The following H2BW1 variants were observed in gnomAD, a reference collection of about 807,000 sequenced individuals.
The protein encoded by H2BW1 is H2B.W histone 1.
H2BW1 carries 9 observed loss-of-function variants against 8.0 expected under a neutral mutation model. That is an observed-to-expected ratio of 1.13 (90% CI 0.68 to 1.97). H2BW1 has a LOEUF of 1.97. Ranked by LOEUF, H2BW1 falls within the 30% of genes most tolerant of loss-of-function variation. The pLI, the probability that H2BW1 is intolerant of heterozygous loss-of-function variation, is 0.00. For missense variants in H2BW1, 137 were observed against 132.0 expected (o/e 1.04, Z -0.19); for synonymous variants, 58 against 54.7 (o/e 1.06, Z -0.26).
At chrX:104,013,121 C>A (rs782508748) in intron 1 of H2BW1, 49 bp downstream of exon 1, 14 of 1,160,696 alleles carry the variant, frequency 1.2e-5, no homozygotes, top group Admixed American at 2.6e-5. Flanking sequence ...CCTTTGGGTT[C>A]CCGTGGTGCT....
chrX:104,011,396 G>GT lies in H2BW1; in HGVS notation c.*89dup, dbSNP rs1382574059. On this transcript the variant is annotated 3_prime_UTR_variant, in exon 3 of 3. Transcript: ENST00000217926. ...TTAGTTGTGGCTGATTTCGTGGGGG[G>GT]TTTTTCTTGGTCTCCTTGTGCAGTG... The GT allele has an allele frequency of 8.9e-6, 1 of 112,027 alleles. No individual in the cohort carries two copies. Among genetic ancestry groups the GT allele is most frequent in the Non-Finnish European group, 1.9e-5 (1 of 53,242 alleles). The allele number at this position is 112,027 out of a possible 1,213,427, so 9.2% of individuals were successfully genotyped here. A position where few individuals can be genotyped will look rare whatever the true frequency, so the allele number is the denominator to read the frequency against.
rs1556337799 is a variant in H2BW1 at position 104,013,434 on chromosome X, C to T, written c.143G>A (p.Cys48Tyr). 4.9e-6 allele frequency: 6 copies of T among 1,212,365 alleles called. No homozygotes were observed. Among genetic ancestry groups the T allele is most frequent in the Non-Finnish European group, 6.7e-6 (6 of 895,626 alleles). ...ATAGGTGGCGAAGCTGTCCCCGCGGCAGTTGGAGTGGCACCTGCGGGGCCC... is the reference window on the plus strand; with the variant it reads ...ATAGGTGGCGAAGCTGTCCCCGCGGTAGTTGGAGTGGCACCTGCGGGGCCC... ...RHGPRRCHSN[C>Y]RGDSFATYFR... is the part of the protein sequence containing the mutation. Residue 48 changes from cysteine to tyrosine, a missense_variant, in exon 1 of 3, where the codon TGC (cysteine) becomes TAC (tyrosine). Cys to Tyr is a radical substitution (Grantham distance 194). Transcript: ENST00000217926.
Position 104,013,410 on chromosome X carries a change from T to A in H2BW1, c.167A>T (p.Tyr56Phe), listed in dbSNP as rs782731539. The A allele has an allele frequency of 8.3e-7, 1 of 1,211,590 alleles. No individual in the cohort carries two copies. Among genetic ancestry groups the A allele is most frequent in the East Asian group, 3.0e-5 (1 of 33,830 alleles). The change falls in exon 1 of 3, where the codon TAT becomes TTT. Residue 56 changes from tyrosine to phenylalanine, a missense_variant. Coordinates refer to ENST00000217926, the MANE Select transcript of H2BW1 (RefSeq NM_001002916.5). The stretch of plus-strand genomic sequence containing the variant: ...AACCTGCTTCAGCACCCGGCGGAAA[T>A]AGGTGGCGAAGCTGTCCCCGCGGCA... ...SNCRGDSFAT[Y>F]FRRVLKQVHQ...
In H2BW1 at chrX:104,011,333, G is replaced by A. The variant is rs1457682066; in HGVS notation, c.*153C>T. ...CTTTGGTTTTCAAAGTGTTGCTCCG[G>A]ACATGTAGGGTCACCTGGCGGCACC... On this transcript the variant is annotated 3_prime_UTR_variant, in exon 3 of 3. Coordinates refer to ENST00000217926, the MANE Select transcript of H2BW1 (RefSeq NM_001002916.5). The A allele has an allele frequency of 8.9e-6, 1 of 112,350 alleles. No individual in the cohort carries two copies. Among genetic ancestry groups the A allele is most frequent in the Non-Finnish European group, 1.9e-5 (1 of 53,317 alleles). The allele number at this position is 112,350 out of a possible 1,213,427, so 9.3% of individuals were successfully genotyped here.
rs373655228 is a variant in H2BW1, at chrX:104,013,684, C to T, written c.-108G>A. 2 of 1,184,427 alleles carry T rather than the reference C, an allele frequency of 1.7e-6. No homozygotes were observed. The highest frequency in any genetic ancestry group is 2.3e-6 in the Non-Finnish European group (2 of 881,134). On this transcript the variant is annotated 5_prime_UTR_variant, in exon 1 of 3. Coordinates refer to ENST00000217926, the MANE Select transcript of H2BW1 (RefSeq NM_001002916.5). ...ATGGCTCCACGTCTCGGGCCAGCTT[C>T]ACGTCTGATTGGATGAAGTGTCACG...
chrX:104,013,590 G>A lies in H2BW1; in HGVS notation c.-14C>T. The A allele has an allele frequency of 8.3e-7, 1 of 1,211,495 alleles. No individual in the cohort carries two copies. The highest frequency in any genetic ancestry group is 1.8e-5 in the South Asian group (1 of 56,847). On this transcript the variant is annotated 5_prime_UTR_variant, in exon 1 of 3. Coordinates refer to ENST00000217926, the MANE Select transcript of H2BW1 (RefSeq NM_001002916.5). ...AGGTCCAGCCATGGCGGAGGCAGTG[G>A]CCATTAGATGGCACGACCAGACAAT...
chrX:104,013,044 C>A, intron 1 of H2BW1, 126 bp downstream of exon 1: 1 of 986,564 alleles, frequency 1.0e-6, no homozygotes. Flanking sequence ...CCCACCCCAG[C>A]CTCCGGTGGT....
In H2BW1 at chrX:104,013,390, G is replaced by T; in HGVS notation, c.187C>A (p.Gln63Lys). The T allele has an allele frequency of 8.2e-7, 1 of 1,212,448 alleles. No homozygotes were observed. Among genetic ancestry groups the T allele is most frequent in the Non-Finnish European group, 1.1e-6 (1 of 895,697 alleles). ...FATYFRRVLK[Q>K]VHQGLSLSRE... is the part of the protein sequence containing the mutation. Reference sequence around the variant, plus strand: ...GAAAGGCTGAGGCCCTGGTGAACCTGCTTCAGCACCCGGCGGAAATAGGTG... The same window carrying T: ...GAAAGGCTGAGGCCCTGGTGAACCTTCTTCAGCACCCGGCGGAAATAGGTG... Residue 63 changes from glutamine (Q) to lysine (K), a missense_variant, in exon 1 of 3, where the codon CAG becomes AAG. By Grantham distance (53) the Gln-to-Lys change is moderately conservative. Coordinates refer to ENST00000217926, the MANE Select transcript of H2BW1 (RefSeq NM_001002916.5).
chrX:104,013,667 A>G lies in H2BW1; in HGVS notation c.-91T>C. 1 of 1,193,679 alleles carries G rather than the reference A, an allele frequency of 8.4e-7. No individual in the cohort carries two copies. The highest frequency in any genetic ancestry group is 1.1e-6 in the Non-Finnish European group (1 of 885,849). ...GCACTTCGGTACGCAGCATGGCTCC[A>G]CGTCTCGGGCCAGCTTCACGTCTGA... On this transcript the variant is annotated 5_prime_UTR_variant, in exon 1 of 3. Coordinates refer to ENST00000217926, the MANE Select transcript of H2BW1 (RefSeq NM_001002916.5).
In H2BW1 at chrX:104,013,653, C is replaced by A. The variant is rs372943452; in HGVS notation, c.-77G>T. On this transcript the variant is annotated 5_prime_UTR_variant, in exon 1 of 3. Transcript: ENST00000217926. ...CCGGGGAAGCCGGGGCACTTCGGTA[C>A]GCAGCATGGCTCCACGTCTCGGGCC... 8 of 1,199,983 alleles carry A rather than the reference C, an allele frequency of 6.7e-6. No individual in the cohort carries two copies. Among genetic ancestry groups the A allele is most frequent in the Non-Finnish European group, 7.9e-6 (7 of 889,051 alleles).
chrX:104,013,429 C>T lies in H2BW1; in HGVS notation c.148G>A (p.Gly50Arg), dbSNP rs150940915. 3.0e-5 allele frequency: 36 copies of T among 1,211,034 alleles called. No homozygotes were observed. The highest frequency in any genetic ancestry group is 2.3e-4 in the Middle Eastern group (1 of 4,346). ...CGGAAATAGGTGGCGAAGCTGTCCCCGCGGCAGTTGGAGTGGCACCTGCGG... is the reference window on the plus strand; with the variant it reads ...CGGAAATAGGTGGCGAAGCTGTCCCTGCGGCAGTTGGAGTGGCACCTGCGG... ...GPRRCHSNCR[G>R]DSFATYFRRV... The change falls in exon 1 of 3, where the codon GGG (glycine) becomes AGG (arginine). Residue 50 changes from glycine to arginine, a missense_variant. Gly to Arg is a moderately radical substitution (Grantham distance 125). Coordinates refer to ENST00000217926, the MANE Select transcript of H2BW1 (RefSeq NM_001002916.5).
Sources: allele counts gnomAD v4.1 joint callset, GRCh38; gene constraint gnomAD v4.1.1; transcripts MANE v1.5; gene names NCBI Gene and HGNC (gene_info 2026-07-23, HGNC 2026-07-21).